Variants in MYO9B observed in about 807,000 individuals in gnomAD.
The protein encoded by MYO9B is unconventional myosin-IXb.
Under a neutral mutation model 229.5 loss-of-function variants are expected in MYO9B, and 71 were observed. The observed-to-expected ratio is 0.31, with a 90% confidence interval of 0.26 to 0.38. The LOEUF is 0.38. MYO9B is among the 10% of genes least tolerant of loss of function. MYO9B has a pLI of 1.00. For synonymous variants in MYO9B, 1,185 were observed against 1,235.8 expected (o/e 0.96, Z 0.86); for missense variants, 2,255 against 2,920.5 (o/e 0.77, Z 5.25).
intron 13 of MYO9B, among the ~76,000 whole-genome samples, chr19:17,174,119 T>C (rs61284107): frequency 7.5e-6 from 1 of 133,448 alleles, no homozygotes; most frequent in Non-Finnish European, 1.5e-5. Context: ...AGGCCCCGCC[T>C]CCCGGGTTCA....
At position 17,202,024 on chromosome 19, in the gene MYO9B, G is replaced by A. The variant is rs199859442; in HGVS notation, c.4662G>A (p.Pro1554=). Residue 1554 remains proline (P), a splice_region_variant and synonymous_variant, in exon 27 of 40, where the codon CCG becomes CCA. Transcript: ENST00000682292. ...ACATCAAAACGATGTACTCTGTCCC[G>A]GTATGTGGCGGCCCGGCCTTCAGCC... is the stretch of plus-strand genomic sequence containing the variant. ...RSNIKTMYSV[P]NGKIHVGYKD... The A allele has an allele frequency of 3.1e-5, 50 of 1,611,646 alleles. No individual in the cohort carries two copies. The highest frequency in any genetic ancestry group is 3.5e-5 in the Non-Finnish European group (41 of 1,179,152).
chr19:17,106,887 A>G (rs1599328915), intron 2 of MYO9B, among the ~76,000 whole-genome samples: 1 of 152,080 alleles, frequency 6.6e-6, no homozygotes, highest in Non-Finnish European at 1.5e-5. Flanking sequence ...ACATGGTGAA[A>G]CCCCGTCTCT....
chr19:17,117,954 A>G (rs988004368), intron 2 of MYO9B, among the ~76,000 whole-genome samples: 147 of 151,430 alleles, frequency 9.7e-4, no homozygotes, highest in African/African-American at 3.4e-3. Context: ...AAAAAAAAAA[A>G]AAAGAAAAGA....
chr19:17,093,307 G>A (rs1483765675), intron 1 of MYO9B, among the ~76,000 whole-genome samples: 6 of 151,950 alleles, frequency 3.9e-5, no homozygotes, highest in Non-Finnish European at 7.4e-5. Context: ...CTCCAGCCTG[G>A]GCAACAAGAG....
chr19:17,108,341 T>C lies in MYO9B; in HGVS notation c.840+5784T>C, dbSNP rs1194094739. Among the ~76,000 whole-genome samples, 2 of 150,362 alleles carry C rather than the reference T, an allele frequency of 1.3e-5. 1 individual carries two copies. The highest frequency in any genetic ancestry group is 3.0e-5 in the Non-Finnish European group (2 of 67,796). Reference sequence around the variant, plus strand: ...CCTGGGGCGACTGTTTGCAAAGGGATGTGATTGTCTTCACTGAGAGCTGGA... The same window carrying C: ...CCTGGGGCGACTGTTTGCAAAGGGACGTGATTGTCTTCACTGAGAGCTGGA... On this transcript the variant is annotated intron_variant, in intron 2 of 39. Transcript: ENST00000682292.
chr19:17,178,490 A>G (rs546816453), intron 14 of MYO9B: 1 of 152,062 alleles, frequency 6.6e-6, no homozygotes, highest in South Asian at 2.1e-4. Context: ...AAAAAAAAAA[A>G]AGCAGGAAAA....
rs750331287 is a variant in MYO9B at position 17,207,099 on chromosome 19, C to T, written c.5493-14C>T. ...TCGGCCCTAGCCATCCTCTAACTGC[C>T]AGTGGCTGTGCAGGGTGGCCCTGCT... is the stretch of plus-strand genomic sequence containing the variant. On this transcript the variant is annotated splice_polypyrimidine_tract_variant and intron_variant, in intron 34 of 39. Coordinates refer to ENST00000682292, the MANE Select transcript of MYO9B (RefSeq NM_004145.4). 6.2e-7 allele frequency: 1 copy of T among 1,610,688 alleles called. No homozygotes were observed. The highest frequency in any genetic ancestry group is 1.7e-5 in the Admixed American group (1 of 59,672).
At chr19:17,094,042 G>C (rs2057665346) in intron 1 of MYO9B, among the ~76,000 whole-genome samples, 1 of 96,330 alleles carries the variant, frequency 1.0e-5, no homozygotes. Flanking sequence ...TGTTGTTGTT[G>C]TTGTTGTTGT....
In MYO9B at chr19:17,172,739, C is replaced by T. The variant is rs776656970; in HGVS notation, c.1936-20C>T. The T allele has an allele frequency of 6.2e-7, 1 of 1,612,304 alleles. No homozygotes were observed. Among genetic ancestry groups the T allele is most frequent in the Non-Finnish European group, 8.5e-7 (1 of 1,178,828 alleles). The stretch of plus-strand genomic sequence containing the variant: ...TGAGTGACTATCCCCGAGTGACCGC[C>T]CACATCCATCCCCCACCAGGACTTC... On this transcript the variant is annotated intron_variant, in intron 12 of 39. Transcript: ENST00000682292. This position sits in a 1 kb window ranked among gnomAD's most constrained non-coding sequence, Gnocchi z 8.2.
At chr19:17,151,200 C>T (rs540484522) in intron 3 of MYO9B, among the ~76,000 whole-genome samples, 2 of 151,876 alleles carry the variant, frequency 1.3e-5, no homozygotes, top group East Asian at 3.9e-4. Context: ...ATTGCTTGAA[C>T]CCAGGAGGCA....
Position 17,200,299 on chromosome 19 carries a change from G to C in MYO9B, c.4245G>C (p.Thr1415=). The part of the protein sequence containing the change: ...SPGSQVDSKS[T]FKRLFLHKTK... ...CACGTACTTTCTCCTGCAGATCCAC[G>C]TTTAAGAGGCTTTTTCTGCATAAAA... Residue 1415 remains threonine, a synonymous_variant, in exon 25 of 40, where the codon ACG becomes ACC. Coordinates refer to ENST00000682292, the MANE Select transcript of MYO9B (RefSeq NM_004145.4). 6.2e-7 allele frequency: 1 copy of C among 1,609,502 alleles called. No individual in the cohort carries two copies. The highest frequency in any genetic ancestry group is 8.5e-7 in the Non-Finnish European group (1 of 1,178,784).
intron 13 of MYO9B, among the ~76,000 whole-genome samples, chr19:17,174,889 G>A (rs1343236630): frequency 2.6e-5 from 4 of 151,254 alleles, no homozygotes; most frequent in East Asian, 2.0e-4. Flanking sequence ...AGCCAAGATC[G>A]CGCCACTGCA....
At chr19:17,170,436 C>T (rs2072710258) in intron 11 of MYO9B, among the ~76,000 whole-genome samples, 2 of 151,990 alleles carry the variant, frequency 1.3e-5, no homozygotes, top group Admixed American at 1.3e-4. Context: ...GGCACATCCC[C>T]TGCCTCAAAC....
intron 6 of MYO9B, among the ~76,000 whole-genome samples, chr19:17,155,620 T>A (rs969057190): frequency 1.6e-4 from 24 of 151,582 alleles, no homozygotes; most frequent in Non-Finnish European, 1.2e-4. Context: ...AATTTTTTTT[T>A]AAATTATCCA....
chr19:17,184,006 T>C, intron 16 of MYO9B, 138 bp downstream of exon 16: 1 of 868,742 alleles, frequency 1.2e-6, no homozygotes, highest in South Asian at 1.7e-5. Flanking sequence ...AAAAAAAATG[T>C]TCTCGTGTTG....
chr19:17,132,081 T>C (rs2072203750), intron 2 of MYO9B, among the ~76,000 whole-genome samples: 1 of 151,450 alleles, frequency 6.6e-6, no homozygotes, highest in South Asian at 2.1e-4. Flanking sequence ...ATCTCACGGC[T>C]GCTCTTGAAC....
intron 2 of MYO9B, among the ~76,000 whole-genome samples, chr19:17,112,588 C>T (rs1172145993): frequency 6.6e-6 from 1 of 152,168 alleles, no homozygotes; most frequent in African/African-American, 2.4e-5. Context: ...GGACAGGTCC[C>T]AAGGGAGGAG....
At chr19:17,136,568 T>C (rs2072272189) in intron 2 of MYO9B, among the ~76,000 whole-genome samples, 1 of 152,056 alleles carries the variant, frequency 6.6e-6, no homozygotes, top group Non-Finnish European at 1.5e-5. Context: ...GATTTGCCGA[T>C]CTCTGGGGAC....
rs140594952 is a variant in MYO9B, at chr19:17,147,804, G to GC, written c.935+2314dup. ...GGGTTCAAGCGATTCTCCTGCCTCA[G>GC]CTCGAGTAGCTGGGATTACAGGCAT... On this transcript the variant is annotated intron_variant, in intron 3 of 39. Transcript: ENST00000682292. Among the ~76,000 whole-genome samples the GC allele has an allele frequency of 4.8e-5, 7 of 146,646 alleles. No individual in the cohort carries two copies. In the East Asian group the frequency reaches 8.8e-4, roughly 18 times the overall value.
Sources: gnomAD v4.1 joint callset for allele counts (sites outside exome capture counted in the v4.1 genomes callset) on GRCh38, gnomAD v4.1.1 for gene constraint, Gnocchi (gnomAD v3.1) non-coding constraint, MANE v1.5 for transcripts, NCBI Gene and HGNC (gene_info 2026-07-23, HGNC 2026-07-21) for gene names.